Variants in CHMP4C observed in about 807,000 individuals in gnomAD.
The protein encoded by CHMP4C is charged multivesicular body protein 4C.
CHMP4C carries 28 observed loss-of-function variants against 29.0 expected under a neutral mutation model. The ratio of observed to expected loss-of-function variants is 0.97; its 90% CI spans 0.72 to 1.32. The LOEUF (loss-of-function observed/expected upper bound fraction) is 1.32, where lower values mean the gene tolerates loss of function less well. Among genes scored for constraint, CHMP4C ranks in the 40% most tolerant of loss-of-function variants. The pLI is 0.00. For missense variants in CHMP4C, 291 were observed against 281.0 expected (o/e 1.04, Z -0.25); for synonymous variants, 106 against 102.4 (o/e 1.04, Z -0.21).
chr8:81,747,478 G>C (rs958665787), intron 1 of CHMP4C, among the ~76,000 whole-genome samples: 2 of 152,020 alleles, frequency 1.3e-5, no homozygotes, highest in African/African-American at 4.8e-5. Context: ...ATGTTGGGTG[G>C]GGATGTATAT....
intron 3 of CHMP4C, among the ~76,000 whole-genome samples, chr8:81,756,991 G>A (rs137985882): frequency 5.9e-5 from 9 of 152,128 alleles, no homozygotes; most frequent in South Asian, 2.1e-4. Context: ...TTTATGAGGC[G>A]AATTTAATAG....
At position 81,758,133 on chromosome 8, in the gene CHMP4C, T is replaced by C. The variant is rs779554100; in HGVS notation, c.484-9T>C. 2.5e-6 allele frequency: 4 copies of C among 1,613,268 alleles called. No homozygotes were observed. Among genetic ancestry groups the C allele is most frequent in the Admixed American group, 3.3e-5 (2 of 59,940 alleles). On this transcript the variant is annotated splice_polypyrimidine_tract_variant and intron_variant, in intron 3 of 4. Transcript: ENST00000297265. ...TAACTCCATAATTCTTCCTTTCTCC[T>C]GTGTTCAGGATGAGTTGATGGCAGA...
intron 1 of CHMP4C, among the ~76,000 whole-genome samples, chr8:81,743,077 G>A (rs973516485): frequency 1.1e-4 from 16 of 151,984 alleles, no homozygotes; most frequent in Non-Finnish European, 1.8e-4. Context: ...AATAGTCATA[G>A]AACCACAGAC....
chr8:81,738,297 C>A lies in CHMP4C; in HGVS notation c.190+5481C>A, dbSNP rs144898634. On this transcript the variant is annotated intron_variant, in intron 1 of 4. Coordinates refer to ENST00000297265, the MANE Select transcript of CHMP4C (RefSeq NM_152284.4). Reference sequence around the variant, plus strand: ...TTTGGCCAAAACCCCTACTCAATATCATTACACACGATTCCAGTGAAAACT... The same window carrying A: ...TTTGGCCAAAACCCCTACTCAATATAATTACACACGATTCCAGTGAAAACT... Among the ~76,000 whole-genome samples the A allele has an allele frequency of 2.7e-3, 404 of 152,284 alleles. 1 individual carries two copies. The highest frequency in any genetic ancestry group is 4.7e-3 in the Non-Finnish European group (319 of 68,022).
At chr8:81,733,073 C>G (rs2130467742) in intron 1 of CHMP4C, among the ~76,000 whole-genome samples, 1 of 152,182 alleles carries the variant, frequency 6.6e-6, no homozygotes, top group African/African-American at 2.4e-5. Flanking sequence ...CTAAAGGACT[C>G]AGAACCAATG....
rs73694777 is a variant in CHMP4C at position 81,749,213 on chromosome 8, T to C, written c.191-3851T>C. On this transcript the variant is annotated intron_variant, in intron 1 of 4. Coordinates refer to ENST00000297265, the MANE Select transcript of CHMP4C (RefSeq NM_152284.4). ...AGGCCACACTCTTTCCATTATATCA[T>C]GCTGTCCTTGTTCTATGTGCAAAAT... 8.7e-3 allele frequency among the ~76,000 whole-genome samples: 1,324 copies of C among 152,322 alleles called. 28 individuals carry two copies. The highest frequency in any genetic ancestry group is 0.029 in the African/African-American group (1,209 of 41,570).
Position 81,759,006 on chromosome 8 carries a change from CTA to C in CHMP4C, c.*463_*464del, listed in dbSNP as rs1809007514. 1.9e-5 allele frequency: 1 copy of C among 51,718 alleles called. No homozygotes were observed. The highest frequency in any genetic ancestry group is 4.0e-5 in the Non-Finnish European group (1 of 24,816). The allele number at this position is 51,718 out of a possible 1,614,324, so 3.2% of individuals were successfully genotyped here. On this transcript the variant is annotated 3_prime_UTR_variant, in exon 5 of 5. Coordinates refer to ENST00000297265, the MANE Select transcript of CHMP4C (RefSeq NM_152284.4). The stretch of plus-strand genomic sequence containing the variant: ...ACAGAGGGAGACTCCGTCTCAAAAA[CTA>C]AAAAAAAAAAATACATTTAGTATAG...
intron 2 of CHMP4C, among the ~76,000 whole-genome samples, chr8:81,754,857 C>T (rs1000928234): frequency 2.6e-5 from 4 of 152,182 alleles, no homozygotes; most frequent in East Asian, 1.9e-4. Context: ...AGGGCATCAC[C>T]GCTATGCAAA....
chr8:81,758,094 A>G (rs767707504), intron 3 of CHMP4C, 48 bp from the exon 4 acceptor site: 3 of 1,579,724 alleles, frequency 1.9e-6, no homozygotes, highest in Admixed American at 1.7e-5. Context: ...GAGGAAACCC[A>G]TGTCTTGAAA....
intron 1 of CHMP4C, among the ~76,000 whole-genome samples, chr8:81,738,286 C>G (rs1808719438): frequency 6.6e-6 from 1 of 152,162 alleles, no homozygotes; most frequent in Non-Finnish European, 1.5e-5. Flanking sequence ...GCCAAAACCC[C>G]TACTCAATAT....
chr8:81,752,320 T>A (rs927222746), intron 1 of CHMP4C, among the ~76,000 whole-genome samples: 5 of 152,292 alleles, frequency 3.3e-5, no homozygotes, highest in Middle Eastern at 3.4e-3. Context: ...TTGGTTGCCT[T>A]CCAAGGTGCC....
In CHMP4C at chr8:81,758,637, T is replaced by C. The variant is rs1809002138; in HGVS notation, c.*93T>C. The C allele has an allele frequency of 3.6e-6, 3 of 827,892 alleles. No homozygotes were observed. The highest frequency in any genetic ancestry group is 3.5e-5 in the African/African-American group (2 of 57,672). The allele number at this position is 827,892 out of a possible 1,614,324, so 51.3% of individuals were successfully genotyped here. A position where few individuals can be genotyped will look rare whatever the true frequency, so the allele number is the denominator to read the frequency against. ...GTTCAGAAGTTAACAAAGACTCTGC[T>C]TTATAATTATATTGAATGAATAATT... On this transcript the variant is annotated 3_prime_UTR_variant, in exon 5 of 5. Transcript: ENST00000297265.
intron 1 of CHMP4C, among the ~76,000 whole-genome samples, chr8:81,737,713 C>G (rs1808710914): frequency 6.6e-6 from 1 of 152,150 alleles, no homozygotes; most frequent in African/African-American, 2.4e-5. Flanking sequence ...AATCCTGTTT[C>G]CTTATCTGCA....
At chr8:81,757,659 T>G (rs957984931) in intron 3 of CHMP4C, among the ~76,000 whole-genome samples, 1 of 152,232 alleles carries the variant, frequency 6.6e-6, no homozygotes, top group Non-Finnish European at 1.5e-5. Flanking sequence ...TAATTTATAT[T>G]GGCTTTGGTG....
At chr8:81,756,606 T>G (rs1367154031) in intron 3 of CHMP4C, among the ~76,000 whole-genome samples, 1 of 152,192 alleles carries the variant, frequency 6.6e-6, no homozygotes, top group Non-Finnish European at 1.5e-5. Flanking sequence ...CTCCAAAACA[T>G]CTTAAGTTCC....
intron 1 of CHMP4C, among the ~76,000 whole-genome samples, chr8:81,745,708 C>T (rs16909545): frequency 1.3e-5 from 2 of 152,140 alleles, no homozygotes; most frequent in Admixed American, 6.6e-5. Context: ...AGTACATAAA[C>T]GACATTGTTC....
chr8:81,751,535 T>A (rs974561796), intron 1 of CHMP4C, among the ~76,000 whole-genome samples: 3 of 152,120 alleles, frequency 2.0e-5, no homozygotes, highest in Non-Finnish European at 4.4e-5. Context: ...TTTAATTATA[T>A]GTGTCTTAAG....
At chr8:81,744,869 G>A (rs1165767427) in intron 1 of CHMP4C, among the ~76,000 whole-genome samples, 1 of 152,178 alleles carries the variant, frequency 6.6e-6, no homozygotes, top group African/African-American at 2.4e-5. Context: ...TACTTGTTAA[G>A]TGACTGAAAT....
intron 1 of CHMP4C, among the ~76,000 whole-genome samples, chr8:81,739,718 C>T (rs1201800014): frequency 6.6e-6 from 1 of 152,218 alleles, no homozygotes; most frequent in Non-Finnish European, 1.5e-5. Flanking sequence ...TGAGCCATTG[C>T]AAGGATCCAA....
Sources: allele counts gnomAD v4.1 joint callset (sites outside exome capture counted in the v4.1 genomes callset), GRCh38; gene constraint gnomAD v4.1.1; transcripts MANE v1.5; gene names NCBI Gene and HGNC (gene_info 2026-07-23, HGNC 2026-07-21).